The following COPS3 variants were observed in gnomAD, a reference collection of about 807,000 sequenced individuals.
COPS3 encodes the protein COP9 signalosome subunit 3, also known as COP9 signalosome complex subunit 3.
Under a neutral mutation model 58.2 loss-of-function variants are expected in COPS3, and 10 were observed. The observed-to-expected ratio is 0.17, with a 90% CI of 0.11 to 0.29. The LOEUF is 0.29. Among genes scored for constraint, COPS3 ranks in the 10% least tolerant of loss-of-function variants. COPS3 has a pLI of 1.00. For missense variants in COPS3, 333 were observed against 510.1 expected (o/e 0.65, Z 3.34); for synonymous variants, 187 against 181.7 (o/e 1.03, Z -0.24).
chr17:17,278,480 C>G (rs571619946), intron 1 of COPS3, among the ~76,000 whole-genome samples: 9 of 152,096 alleles, frequency 5.9e-5, no homozygotes, highest in Non-Finnish European at 1.3e-4. Flanking sequence ...ACATGCATTA[C>G]AAAACAAGAA....
At chr17:17,247,631 T>C (rs1169684124) in intron 10 of COPS3, 71 bp from the exon 11 acceptor site, 7 of 1,453,998 alleles carry the variant, frequency 4.8e-6, no homozygotes, top group Non-Finnish European at 6.7e-6. Flanking sequence ...TAACTTACAC[T>C]GTTCACAAGG....
At chr17:17,268,071 T>G in intron 4 of COPS3, 94 bp from the exon 5 acceptor site, 1 of 1,449,580 alleles carries the variant, frequency 6.9e-7, no homozygotes, top group African/African-American at 1.4e-5. Context: ...TAACACTAAT[T>G]GATAGGTTCC....
At chr17:17,247,637 C>CAAGT (rs1384774662) in intron 10 of COPS3, 77 bp from the exon 11 acceptor site, 15 of 1,419,842 alleles carry the variant, frequency 1.1e-5, no homozygotes, top group Non-Finnish European at 1.3e-5. Context: ...ACACTGTTCA[C>CAAGT]AAGGGTGCTA....
At chr17:17,265,104 C>A in intron 5 of COPS3, 123 bp from the exon 6 acceptor site, 2 of 792,824 alleles carry the variant, frequency 2.5e-6, no homozygotes, top group Non-Finnish European at 2.0e-6. Context: ...ATTTTATTGA[C>A]TAAAATTATC....
In COPS3 at chr17:17,281,217, G is replaced by A. The variant is rs768754315; in HGVS notation, c.-31C>T. On this transcript the variant is annotated 5_prime_UTR_variant, in exon 1 of 12. Coordinates refer to ENST00000268717, the MANE Select transcript of COPS3 (RefSeq NM_003653.4). ...CCCCCGGGCGGCCCGAGCGGCGAAGGCAGCACGCGCGGGAAAAGGCTGCCG... is the reference window on the plus strand; with the variant it reads ...CCCCCGGGCGGCCCGAGCGGCGAAGACAGCACGCGCGGGAAAAGGCTGCCG... The A allele has an allele frequency of 6.0e-5, 96 of 1,599,472 alleles. No homozygotes were observed. The South Asian group carries it at 1.0e-3, about 17-fold the overall frequency.
intron 7 of COPS3, 140 bp from the exon 8 acceptor site, chr17:17,260,614 A>AC (rs2048072629): frequency 1.5e-6 from 1 of 653,746 alleles, no homozygotes; most frequent in Non-Finnish European, 2.6e-6. Context: ...CACCAGCCTG[A>AC]CCAACATGAA....
chr17:17,247,728 T>C (rs2047754551), intron 10 of COPS3, 168 bp from the exon 11 acceptor site: 2 of 583,880 alleles, frequency 3.4e-6, no homozygotes, highest in Non-Finnish European at 6.1e-6. Flanking sequence ...AGAAAGCTAA[T>C]ACATCTATCA....
chr17:17,281,071 T>C, intron 1 of COPS3, 61 bp downstream of exon 1: 4 of 1,555,128 alleles, frequency 2.6e-6, no homozygotes, highest in Non-Finnish European at 2.6e-6. Context: ...TGCTGGCGCC[T>C]GGGGATCCAG....
At chr17:17,270,621 T>C in intron 4 of COPS3, 137 bp downstream of exon 4, 1 of 775,932 alleles carries the variant, frequency 1.3e-6, no homozygotes, top group Non-Finnish European at 2.1e-6. Flanking sequence ...CAGCAATGGC[T>C]GTGAGTGCTC....
intron 2 of COPS3, among the ~76,000 whole-genome samples, chr17:17,274,424 TTC>T (rs1282017359): frequency 1.7e-4 from 4 of 23,714 alleles, no homozygotes; most frequent in African/African-American, 4.7e-4. Context: ...TGATTAGCTT[TTC>T]TTTTTTTTTT....
At chr17:17,249,389 T>A (rs2047790666) in intron 9 of COPS3, among the ~76,000 whole-genome samples, 1 of 152,140 alleles carries the variant, frequency 6.6e-6, no homozygotes, top group Admixed American at 6.6e-5. Flanking sequence ...AGTGGTGCGT[T>A]CTTGGCTCAC....
intron 10 of COPS3, 43 bp downstream of exon 10, chr17:17,248,883 C>T: frequency 8.0e-7 from 1 of 1,244,692 alleles, no homozygotes; most frequent in Non-Finnish European, 1.1e-6. Context: ...AAATACATCT[C>T]AACCATCAAT....
At chr17:17,251,324 C>T (rs914275799) in intron 9 of COPS3, among the ~76,000 whole-genome samples, 3 of 148,240 alleles carry the variant, frequency 2.0e-5, no homozygotes, top group African/African-American at 5.0e-5. Context: ...GACGGAGTTT[C>T]GCTCTTGTCA....
At chr17:17,272,543 G>T (rs547652229) in intron 2 of COPS3, among the ~76,000 whole-genome samples, 2 of 152,308 alleles carry the variant, frequency 1.3e-5, no homozygotes, top group African/African-American at 2.4e-5. Context: ...TAATCCACAG[G>T]AATGTCCACA....
intron 10 of COPS3, among the ~76,000 whole-genome samples, chr17:17,248,185 A>G (rs963268845): frequency 6.6e-6 from 1 of 152,318 alleles, no homozygotes; most frequent in East Asian, 1.9e-4. Flanking sequence ...ATAAGGCTCT[A>G]TGTTGTAGGT....
chr17:17,278,867 TTC>T (rs1018748980), intron 1 of COPS3, among the ~76,000 whole-genome samples: 11 of 151,266 alleles, frequency 7.3e-5, no homozygotes, highest in Non-Finnish European at 1.2e-4. Flanking sequence ...GCCAATAAAA[TTC>T]TTTTTTTTCT....
intron 11 of COPS3, 66 bp downstream of exon 11, chr17:17,247,414 C>T: frequency 7.1e-7 from 1 of 1,411,128 alleles, no homozygotes; most frequent in Non-Finnish European, 1.0e-6. Flanking sequence ...AGTTCCTGTG[C>T]CTGATGTGAC....
chr17:17,273,713 G>A (rs866512715), intron 2 of COPS3, among the ~76,000 whole-genome samples: 11 of 152,180 alleles, frequency 7.2e-5, no homozygotes, highest in African/African-American at 1.9e-4. Flanking sequence ...TTAGGCGGGC[G>A]TGGTGGTGTA....
At chr17:17,258,566 T>A (rs573799594) in intron 8 of COPS3, among the ~76,000 whole-genome samples, 12 of 152,316 alleles carry the variant, frequency 7.9e-5, no homozygotes, top group East Asian at 1.9e-4. Flanking sequence ...GGTTCTTTTA[T>A]CTAAACTTCA....
Sources: allele counts gnomAD v4.1 joint callset (sites outside exome capture counted in the v4.1 genomes callset), GRCh38; gene constraint gnomAD v4.1.1; transcripts MANE v1.5; gene names NCBI Gene and HGNC (gene_info 2026-07-23, HGNC 2026-07-21).